Variants in ZFP64 observed in about 807,000 individuals in gnomAD.
ZFP64 encodes ZFP64 zinc finger protein, also known as zinc finger protein 64.
A neutral mutation model predicts 51.6 loss-of-function variants in ZFP64; 14 were observed. The observed-to-expected ratio is 0.27, with a 90% CI of 0.18 to 0.42. The LOEUF is 0.42. Ranked by LOEUF, ZFP64 falls within the 10% of genes least tolerant of loss-of-function variation. The pLI, the probability that ZFP64 is intolerant of heterozygous loss-of-function variation, is 1.00. For synonymous variants in ZFP64, 375 were observed against 361.4 expected, an observed-to-expected ratio of 1.04 and a Z score of -0.43; for missense variants, 754 against 906.8, an observed-to-expected ratio of 0.83 and a Z score of 2.16.
In ZFP64 at chr20:52,152,091, C is replaced by T. The variant is rs1980851945; in HGVS notation, c.*55G>A. On this transcript the variant is annotated 3_prime_UTR_variant, in exon 6 of 6. Transcript: ENST00000216923. ...AGAGCAAACCTTTTAGAGAATTCTA[C>T]TTAAGATTTCTTTTTCTCAATTCCT... 2 of 1,563,388 alleles carry T rather than the reference C, an allele frequency of 1.3e-6. No homozygotes were observed. The highest frequency in any genetic ancestry group is 2.4e-5 in the South Asian group (2 of 82,878).
At chr20:52,128,577 C>T (rs1314728322) in intron 5 of ZFP64, among the ~76,000 whole-genome samples, 4 of 152,204 alleles carry the variant, frequency 2.6e-5, no homozygotes, top group African/African-American at 7.2e-5. Flanking sequence ...AAAAAGCAAA[C>T]TGATCTGCTT....
rs769304865 is a variant in ZFP64, at chr20:52,152,725, C to T, written c.1467G>A (p.Val489=). 6.4e-6 allele frequency: 10 copies of T among 1,571,538 alleles called. No homozygotes were observed. The Admixed American group carries it at 1.6e-4, about 25-fold the overall frequency. Residue 489 remains valine (V), a synonymous_variant, in exon 6 of 6, where the codon GTG becomes GTA. Coordinates refer to ENST00000216923, the MANE Select transcript of ZFP64 (RefSeq NM_018197.3). ...HLQVPLQPSQ[V]PQFSEGRVKI... Reference sequence around the variant, plus strand: ...TGACTCTTCCCTCGCTGAACTGGGGCACTTGGCTGGGCTGGAGGGGCACCT... The same window carrying T: ...TGACTCTTCCCTCGCTGAACTGGGGTACTTGGCTGGGCTGGAGGGGCACCT...
chr20:52,167,303 C>T (rs138506310), intron 2 of ZFP64, among the ~76,000 whole-genome samples: 45 of 150,528 alleles, frequency 3.0e-4, no homozygotes, highest in African/African-American at 8.5e-4. Flanking sequence ...CCAGCCTGGG[C>T]GACAAGAGCA....
chr20:52,162,915 T>G (rs748148481), intron 4 of ZFP64, among the ~76,000 whole-genome samples: 5 of 152,154 alleles, frequency 3.3e-5, no homozygotes, highest in African/African-American at 7.2e-5. Flanking sequence ...AGGATACATT[T>G]AAACTTGAAA....
At chr20:52,171,357 A>AT (rs1016999763) in intron 2 of ZFP64, among the ~76,000 whole-genome samples, 2 of 151,870 alleles carry the variant, frequency 1.3e-5, no homozygotes, top group African/African-American at 4.8e-5. Flanking sequence ...GTGTGTGTGC[A>AT]TATGTGTATG....
chr20:52,142,717 G>C (rs1328385197), intron 5 of ZFP64, among the ~76,000 whole-genome samples: 1 of 140,314 alleles, frequency 7.1e-6, no homozygotes, highest in African/African-American at 2.5e-5. Context: ...GGGTGCACCT[G>C]TAATCCCAGC....
Position 52,185,399 on chromosome 20 carries a change from T to C in ZFP64, c.286+1433A>G, listed in dbSNP as rs187954922. On this transcript the variant is annotated intron_variant, in intron 2 of 5. Transcript: ENST00000216923. ...AATGTCTTTATGTATATTTTAAAACTAAGAAATTTTAAATTTAAGATTTGA... is the reference window on the plus strand; with the variant it reads ...AATGTCTTTATGTATATTTTAAAACCAAGAAATTTTAAATTTAAGATTTGA... Among the ~76,000 whole-genome samples the C allele has an allele frequency of 1.8e-3, 277 of 152,288 alleles. 2 individuals carry two copies. The highest frequency in any genetic ancestry group is 3.3e-3 in the Non-Finnish European group (226 of 68,018).
At chr20:52,092,524 G>A (rs559958591) in intron 7 of ZFP64, among the ~76,000 whole-genome samples, 1 of 152,310 alleles carries the variant, frequency 6.6e-6, no homozygotes, top group East Asian at 1.9e-4. Flanking sequence ...TGATGGTCCA[G>A]GAAGATGTAA....
In ZFP64 at chr20:52,188,191, T is replaced by C. The variant is rs534717822; in HGVS notation, c.47-1120A>G. Reference sequence around the variant, plus strand: ...CTGCCCTTTACTTCACTGATTTCCCTGATTCAACACTGCAATCAATCAATT... The same window carrying C: ...CTGCCCTTTACTTCACTGATTTCCCCGATTCAACACTGCAATCAATCAATT... On this transcript the variant is annotated intron_variant, in intron 1 of 5. Transcript: ENST00000216923. Among the ~76,000 whole-genome samples, 32 of 152,272 alleles carry C rather than the reference T, an allele frequency of 2.1e-4. No homozygotes were observed. The South Asian group carries it at 6.0e-3, about 29-fold the overall frequency.
chr20:52,111,034 A>G, intron 5 of ZFP64: 10 of 1,414,744 alleles, frequency 7.1e-6, no homozygotes, highest in Non-Finnish European at 1.0e-5. Context: ...CTTGGTGTGC[A>G]GGCCGCTGCT....
chr20:52,186,687 G>T, intron 2 of ZFP64, 145 bp downstream of exon 2: 1 of 1,161,928 alleles, frequency 8.6e-7, no homozygotes, highest in Non-Finnish European at 1.2e-6. Context: ...TGGGCAGCTG[G>T]CTTCCTGGTG....
At chr20:52,173,845 T>TTAGTAGAGA (rs1982954362) in intron 2 of ZFP64, among the ~76,000 whole-genome samples, 1 of 151,990 alleles carries the variant, frequency 6.6e-6, no homozygotes, top group Non-Finnish European at 1.5e-5. Context: ...GATGGGGGTT[T>TTAGTAGAGA]CACCATGTTG....
At chr20:52,138,521 A>C (rs2122903105) in intron 5 of ZFP64, among the ~76,000 whole-genome samples, 1 of 152,222 alleles carries the variant, frequency 6.6e-6, no homozygotes, top group South Asian at 2.1e-4. Context: ...TTATGAGATA[A>C]AGCATGATTT....
chr20:52,111,183 C>T (rs1978552192), intron 5 of ZFP64: 1 of 618,174 alleles, frequency 1.6e-6, no homozygotes, highest in Admixed American at 2.9e-5. Context: ...GAGAACGCCC[C>T]AAGTCAGCGG....
rs11469696 is a variant in ZFP64 at position 52,161,450 on chromosome 20, C to CTTTTT, written c.512-1081_512-1077dup. Among the ~76,000 whole-genome samples the CTTTTT allele has an allele frequency of 3.4e-3, 386 of 115,074 alleles. 7 individuals carry two copies. The highest frequency in any genetic ancestry group is 0.012 in the African/African-American group (356 of 30,030). 75.5% of individuals were successfully genotyped at this position (115,074 alleles called of 152,430 possible). On this transcript the variant is annotated intron_variant, in intron 4 of 5. Transcript: ENST00000216923. The stretch of plus-strand genomic sequence containing the variant: ...CCCAGGACCGTCTTGTGATTGCTTT[C>CTTTTT]TTTTTTTTTTTTTTTTTTTTTGCCA...
rs2123151638 is a variant in ZFP64, at chr20:52,191,454, C to T, written c.46+137G>A. On this transcript the variant is annotated intron_variant, in intron 1 of 5. Transcript: ENST00000216923. This position sits in a 1 kb window ranked among gnomAD's most constrained non-coding sequence, Gnocchi z 4.3. ...CCTGCACAGCGCGCCCGCCGCGGTC[C>T]CCGAGACGCGGCTCCGAGCCGTCAC... The T allele has an allele frequency of 8.7e-7, 1 of 1,153,362 alleles. No individual in the cohort carries two copies. Among genetic ancestry groups the T allele is most frequent in the East Asian group, 3.2e-5 (1 of 30,920 alleles). 71.4% of individuals were successfully genotyped at this position (1,153,362 alleles called of 1,614,324 possible). A position where few individuals can be genotyped will look rare whatever the true frequency, so the allele number is the denominator to read the frequency against.
At position 52,186,826 on chromosome 20, in the gene ZFP64, C is replaced by T; in HGVS notation, c.286+6G>A. The T allele has an allele frequency of 6.3e-7, 1 of 1,599,640 alleles. No individual in the cohort carries two copies. Among genetic ancestry groups the T allele is most frequent in the Non-Finnish European group, 8.6e-7 (1 of 1,168,300 alleles). On this transcript the variant is annotated splice_donor_region_variant and intron_variant, in intron 2 of 5. Transcript: ENST00000216923. ...TCTGGCCGACTCCCCCATGCTCCAG[C>T]TGTACCTGTGATTGTCTGGGTCTCC... is the stretch of plus-strand genomic sequence containing the variant.
chr20:52,111,311 G>A (rs1385742972), intron 5 of ZFP64, among the ~76,000 whole-genome samples: 1 of 150,652 alleles, frequency 6.6e-6, no homozygotes, highest in Non-Finnish European at 1.5e-5. Flanking sequence ...CCAGCTCCCG[G>A]GTTCAAGTGA....
chr20:52,109,395 C>T (rs6063756), intron 5 of ZFP64, among the ~76,000 whole-genome samples: 2 of 152,090 alleles, frequency 1.3e-5, no homozygotes, highest in Non-Finnish European at 2.9e-5. Context: ...ATCTCCTGAC[C>T]TCGTGATCTG....
Sources: gnomAD v4.1 joint callset for allele counts (sites outside exome capture counted in the v4.1 genomes callset) on GRCh38, gnomAD v4.1.1 for gene constraint, Gnocchi (gnomAD v3.1) non-coding constraint, MANE v1.5 for transcripts, NCBI Gene and HGNC (gene_info 2026-07-23, HGNC 2026-07-21) for gene names.